The following ROBO2 variants were observed in gnomAD, a reference collection of about 807,000 sequenced individuals.
ROBO2 encodes roundabout guidance receptor 2, also known as roundabout homolog 2.
Under a neutral mutation model 160.8 loss-of-function variants are expected in ROBO2, and 53 were observed. The observed-to-expected ratio is 0.33, with a 90% CI of 0.26 to 0.41. ROBO2 has a LOEUF of 0.41. Ranked by LOEUF, ROBO2 falls within the 10% of genes least tolerant of loss-of-function variation. ROBO2 has a pLI of 1.00. For missense variants in ROBO2, 1,577 were observed against 1,722.4 expected, an observed-to-expected ratio of 0.92 and a Z score of 1.49; for synonymous variants, 664 against 611.7, an observed-to-expected ratio of 1.09 and a Z score of -1.26.
intron 6 of ROBO2, among the ~76,000 whole-genome samples, chr3:77,534,310 A>G (rs1052869311): frequency 3.3e-5 from 5 of 152,092 alleles, no homozygotes; most frequent in African/African-American, 4.8e-5. Context: ...ATAAGAATAA[A>G]ATAAATATTA....
At chr3:77,303,414 T>G (rs1394561986) in intron 2 of ROBO2, among the ~76,000 whole-genome samples, 1 of 152,196 alleles carries the variant, frequency 6.6e-6, no homozygotes, top group African/African-American at 2.4e-5. Context: ...GGTAGGTTTC[T>G]TTTGATATCA....
intron 2 of ROBO2, among the ~76,000 whole-genome samples, chr3:77,408,063 A>G (rs1033589010): frequency 7.2e-5 from 11 of 151,898 alleles, no homozygotes; most frequent in African/African-American, 2.7e-4. Flanking sequence ...GATGTGTATC[A>G]GGGTAATTGG....
intron 2 of ROBO2, among the ~76,000 whole-genome samples, chr3:76,676,794 T>A (rs938773862): frequency 2.6e-5 from 4 of 152,106 alleles, no homozygotes; most frequent in African/African-American, 7.2e-5. Flanking sequence ...AGGGCTTTTT[T>A]TTCCTCTCTC....
At chr3:77,624,757 A>G (rs4684016) in intron 23 of ROBO2, among the ~76,000 whole-genome samples, 19,578 of 152,066 alleles carry the variant, frequency 0.13, 1,348 homozygotes, top group Admixed American at 0.17. Context: ...TCCCCCTGAA[A>G]TGCTGTTAGT....
At chr3:76,760,656 G>A (rs531370624) in intron 2 of ROBO2, among the ~76,000 whole-genome samples, 16 of 151,566 alleles carry the variant, frequency 1.1e-4, no homozygotes, top group African/African-American at 2.9e-4. Flanking sequence ...TATTTTCTAC[G>A]CATACGTTGC....
rs149422784 is a variant in ROBO2 at position 76,403,017 on chromosome 3, G to A, written c.109+465415G>A. Among the ~76,000 whole-genome samples the A allele has an allele frequency of 3.3e-3, 500 of 151,704 alleles. 6 individuals are homozygous for A. The highest frequency in any genetic ancestry group is 0.024 in the Admixed American group (365 of 15,172). ...ACAATTTTGGAGACTCTGACAGAAA[G>A]ACTGGGGCCAATAAATGTCTACTTG... On this transcript the variant is annotated intron_variant, in intron 2 of 26. Coordinates refer to the ROBO2 transcript ENST00000487694.
intron 2 of ROBO2, among the ~76,000 whole-genome samples, chr3:76,055,862 G>A (rs529156072): frequency 2.0e-5 from 3 of 152,044 alleles, no homozygotes; most frequent in Non-Finnish European, 4.4e-5. Flanking sequence ...GGGTTCAAGC[G>A]ATTCTCCTGC....
At chr3:75,954,329 C>T (rs1948653485) in intron 2 of ROBO2, among the ~76,000 whole-genome samples, 1 of 151,856 alleles carries the variant, frequency 6.6e-6, no homozygotes, top group Non-Finnish European at 1.5e-5. Context: ...GGGTTACCTC[C>T]AGCCAAGGGT....
chr3:75,965,730 T>A (rs1949086218), intron 2 of ROBO2, among the ~76,000 whole-genome samples: 1 of 151,646 alleles, frequency 6.6e-6, no homozygotes, highest in Non-Finnish European at 1.5e-5. Flanking sequence ...ATCCATATTT[T>A]ACCAAAGAAG....
chr3:76,535,332 C>T (rs2082436741), intron 2 of ROBO2, among the ~76,000 whole-genome samples: 1 of 151,984 alleles, frequency 6.6e-6, no homozygotes, highest in South Asian at 2.1e-4. Flanking sequence ...CTTTAAAAGG[C>T]CATGCTGTAA....
rs531831362 is a variant in ROBO2, at chr3:77,160,900, G to A, written c.388+62560G>A. On this transcript the variant is annotated intron_variant, in intron 2 of 25. Coordinates refer to ENST00000461745, the Ensembl canonical transcript of ROBO2. ...ATGTTGATTTTGAACTGCTTGCATT[G>A]TGAGTTTGTTCTCCTGAAGAATAAC... Among the ~76,000 whole-genome samples, 6 of 152,250 alleles carry A rather than the reference G, an allele frequency of 3.9e-5. No individual in the cohort carries two copies. In the East Asian group the frequency reaches 7.7e-4, roughly 20 times the overall value.
chr3:76,415,212 C>T (rs371774570), intron 2 of ROBO2, among the ~76,000 whole-genome samples: 12 of 152,232 alleles, frequency 7.9e-5, no homozygotes, highest in South Asian at 4.2e-4. Flanking sequence ...TTTCACTTCA[C>T]GGGGTCCCCA....
intron 2 of ROBO2, among the ~76,000 whole-genome samples, chr3:77,379,844 G>A (rs1305738923): frequency 6.6e-6 from 1 of 152,084 alleles, no homozygotes; most frequent in Non-Finnish European, 1.5e-5. Context: ...CTAAATGACA[G>A]CCAGCTCAGA....
intron 2 of ROBO2, among the ~76,000 whole-genome samples, chr3:76,845,671 T>TC (rs2068710618): frequency 6.6e-6 from 1 of 152,030 alleles, no homozygotes; most frequent in Non-Finnish European, 1.5e-5. Context: ...CACCCCTTTC[T>TC]CTGCAGTGCT....
intron 16 of ROBO2, among the ~76,000 whole-genome samples, chr3:77,583,823 T>A (rs1422353126): frequency 6.6e-6 from 1 of 152,206 alleles, no homozygotes; most frequent in African/African-American, 2.4e-5. Context: ...CATACATTAC[T>A]GTCTGGTCAC....
At chr3:77,561,710 A>AT (rs1392195508) in intron 9 of ROBO2, among the ~76,000 whole-genome samples, 2 of 152,118 alleles carry the variant, frequency 1.3e-5, no homozygotes, top group Admixed American at 6.6e-5. Flanking sequence ...CCATAGCCAC[A>AT]TTTTTTTAAT....
At chr3:76,234,359 T>C (rs1447718122) in intron 2 of ROBO2, among the ~76,000 whole-genome samples, 1 of 152,192 alleles carries the variant, frequency 6.6e-6, no homozygotes, top group East Asian at 1.9e-4. Flanking sequence ...CTGTTTAGAT[T>C]CTTTGAGGAA....
chr3:76,901,522 C>T (rs1210173516), intron 2 of ROBO2, among the ~76,000 whole-genome samples: 2 of 139,068 alleles, frequency 1.4e-5, no homozygotes, highest in Admixed American at 1.6e-4. Context: ...GAGCTGAGAT[C>T]GCACCATTGT....
chr3:76,546,924 C>G (rs898451566), intron 2 of ROBO2, among the ~76,000 whole-genome samples: 7 of 151,968 alleles, frequency 4.6e-5, no homozygotes, highest in African/African-American at 1.7e-4. Flanking sequence ...AGAGCTTGTC[C>G]TTTGGGCCAA....
Sources: allele counts gnomAD v4.1 joint callset (sites outside exome capture counted in the v4.1 genomes callset), GRCh38; gene constraint gnomAD v4.1.1; transcripts MANE v1.5; gene names NCBI Gene and HGNC (gene_info 2026-07-23, HGNC 2026-07-21).